Variants in C14orf132 observed in about 807,000 individuals in gnomAD.
The protein encoded by C14orf132 is uncharacterized protein C14orf132.
In C14orf132, 6 loss-of-function variants were observed where a neutral mutation model predicts 5.8. The ratio of observed to expected loss-of-function variants is 1.03; its 90% CI spans 0.57 to 2.04. The LOEUF (loss-of-function observed/expected upper bound fraction) is 2.04, where lower values mean the gene tolerates loss of function less well. Among genes scored for constraint, C14orf132 ranks in the 30% most tolerant of loss-of-function variants. The pLI is 0.00. For missense variants in C14orf132, 125 were observed against 115.8 expected (o/e 1.08, Z -0.37); for synonymous variants, 51 against 49.8 (o/e 1.02, Z -0.10).
chr14:96,067,506 C>T (rs1887566556), intron 1 of C14orf132, among the ~76,000 whole-genome samples: 1 of 152,172 alleles, frequency 6.6e-6, no homozygotes, highest in African/African-American at 2.4e-5. Context: ...TTGAGACCAG[C>T]CTGACCAACA....
chr14:96,042,200 G>T (rs571940540), intron 1 of C14orf132, among the ~76,000 whole-genome samples: 1 of 152,324 alleles, frequency 6.6e-6, no homozygotes, highest in East Asian at 1.9e-4. Context: ...TATCGAGATA[G>T]CGAAGTCCAG....
Position 96,086,814 on chromosome 14 carries a change from TG to T in C14orf132, c.*80del. 7.2e-7 allele frequency: 1 copy of T among 1,389,410 alleles called. No individual in the cohort carries two copies. Among genetic ancestry groups the T allele is most frequent in the South Asian group, 1.3e-5 (1 of 76,128 alleles). The allele number at this position is 1,389,410 out of a possible 1,614,324, so 86.1% of individuals were successfully genotyped here. A position where few individuals can be genotyped will look rare whatever the true frequency, so the allele number is the denominator to read the frequency against. The stretch of plus-strand genomic sequence containing the variant: ...TGCTGTCGGCCTTTGGCTTCTCCTG[TG>T]TTCTAGAACCAGGAGTTTTGACCAG... On this transcript the variant is annotated 3_prime_UTR_variant, in exon 2 of 2. Coordinates refer to ENST00000555004, the MANE Select transcript of C14orf132 (RefSeq NM_001252507.3).
At chr14:96,056,269 G>GAAT (rs1436385708) in intron 1 of C14orf132, among the ~76,000 whole-genome samples, 2 of 152,172 alleles carry the variant, frequency 1.3e-5, no homozygotes, top group Non-Finnish European at 2.9e-5. Flanking sequence ...CACGTGACAT[G>GAAT]GCCCTCTGTG....
intron 1 of C14orf132, among the ~76,000 whole-genome samples, chr14:96,046,434 C>T (rs1181523402): frequency 6.6e-6 from 1 of 152,194 alleles, no homozygotes; most frequent in East Asian, 1.9e-4. Flanking sequence ...GTAGAAAAGT[C>T]ACTTATTACT....
Position 96,093,089 on chromosome 14 carries a change from T to C in C14orf132, c.*6354T>C, listed in dbSNP as rs1050863487. On this transcript the variant is annotated 3_prime_UTR_variant, in exon 2 of 2. Coordinates refer to ENST00000555004, the MANE Select transcript of C14orf132 (RefSeq NM_001252507.3). ...GTCATTGAGTAAATTAAAGCTCTTC[T>C]GAGCAGCAGCAGTGATCATGGTCAC... The C allele has an allele frequency of 2.6e-5, 4 of 152,280 alleles. No individual in the cohort carries two copies. The highest frequency in any genetic ancestry group is 4.8e-5 in the African/African-American group (2 of 41,474). The allele number at this position is 152,280 out of a possible 1,614,324, so 9.4% of individuals were successfully genotyped here. A position where few individuals can be genotyped will look rare whatever the true frequency, so the allele number is the denominator to read the frequency against.
intron 1 of C14orf132, among the ~76,000 whole-genome samples, chr14:96,045,298 T>A (rs1204168032): frequency 6.6e-6 from 1 of 151,970 alleles, no homozygotes; most frequent in Non-Finnish European, 1.5e-5. Flanking sequence ...TTGAACTGAG[T>A]TTGAGAGATG....
At position 96,086,767 on chromosome 14, in the gene C14orf132, G is replaced by T; in HGVS notation, c.*32G>T. On this transcript the variant is annotated 3_prime_UTR_variant, in exon 2 of 2. Coordinates refer to ENST00000555004, the MANE Select transcript of C14orf132 (RefSeq NM_001252507.3). ...CACACCCTGCACCACCATGGGGTGAGGCTTGGCACGTAGCTCTGACTTGCT... is the reference window on the plus strand; with the variant it reads ...CACACCCTGCACCACCATGGGGTGATGCTTGGCACGTAGCTCTGACTTGCT... 6.6e-7 allele frequency: 1 copy of T among 1,525,566 alleles called. No individual in the cohort carries two copies. The highest frequency in any genetic ancestry group is 1.2e-5 in the South Asian group (1 of 83,688). The allele number at this position is 1,525,566 out of a possible 1,614,324, so 94.5% of individuals were successfully genotyped here.
At chr14:96,054,644 T>A (rs754812914) in intron 1 of C14orf132, among the ~76,000 whole-genome samples, 1 of 152,202 alleles carries the variant, frequency 6.6e-6, no homozygotes, top group Non-Finnish European at 1.5e-5. Flanking sequence ...GGAATTATTA[T>A]GTTTGAACCA....
intron 1 of C14orf132, among the ~76,000 whole-genome samples, chr14:96,073,446 AC>A (rs1887770121): frequency 6.6e-6 from 1 of 152,256 alleles, no homozygotes; most frequent in Non-Finnish European, 1.5e-5. Flanking sequence ...GTTCAACCTC[AC>A]TGATCATTAG....
intron 1 of C14orf132, among the ~76,000 whole-genome samples, chr14:96,075,619 A>G (rs911854099): frequency 6.6e-6 from 1 of 152,196 alleles, no homozygotes; most frequent in Non-Finnish European, 1.5e-5. Context: ...CTAGTTTACT[A>G]AGAGTTTTAA....
chr14:96,086,697 A>G lies in C14orf132; in HGVS notation c.214A>G (p.Ile72Val). Reference protein sequence around the residue: ...WIAIIATLGNIVVVGVVYAFT... With the variant: ...WIAIIATLGNVVVVGVVYAFT... ...TGCCATCATAGCTACGCTGGGGAAC[A>G]TCGTGGTGGTGGGCGTGGTGTATGC... The change falls in exon 2 of 2, where the codon ATC (isoleucine) becomes GTC (valine). Residue 72 changes from isoleucine to valine, a missense_variant. Physicochemically the swap from Ile to Val is conservative, Grantham distance 29 (BLOSUM62 3). Coordinates refer to ENST00000555004, the MANE Select transcript of C14orf132 (RefSeq NM_001252507.3). 6.5e-7 allele frequency: 1 copy of G among 1,536,126 alleles called. No individual in the cohort carries two copies.
intron 1 of C14orf132, among the ~76,000 whole-genome samples, chr14:96,052,245 G>A (rs1887050065): frequency 6.6e-6 from 1 of 152,274 alleles, no homozygotes; most frequent in South Asian, 2.1e-4. Flanking sequence ...GGCCGTCTCT[G>A]CAGCCTGTCT....
At chr14:96,067,785 T>C (rs1887577070) in intron 1 of C14orf132, among the ~76,000 whole-genome samples, 1 of 151,978 alleles carries the variant, frequency 6.6e-6, no homozygotes, top group East Asian at 1.9e-4. Flanking sequence ...AGGCGTGCCC[T>C]CTACCTTCCA....
In C14orf132 at chr14:96,093,577, CA is replaced by C. The variant is rs1311090043; in HGVS notation, c.*6843del. The C allele has an allele frequency of 6.6e-6, 1 of 152,200 alleles. No homozygotes were observed. The allele number at this position is 152,200 out of a possible 1,614,324, so 9.4% of individuals were successfully genotyped here. On this transcript the variant is annotated 3_prime_UTR_variant, in exon 2 of 2. Transcript: ENST00000555004. ...AGATACCAATTCTTCATGCCGAGAG[CA>C]TCGGAAATGTTTTTGTGTCTTACTG...
intron 1 of C14orf132, among the ~76,000 whole-genome samples, chr14:96,085,985 C>G (rs956623125): frequency 3.0e-5 from 4 of 131,450 alleles, no homozygotes; most frequent in Admixed American, 8.2e-5. Context: ...CTCTCTCTCT[C>G]TGTCACACAC....
rs1048376774 is a variant in C14orf132, at chr14:96,093,934, G to A, written c.*7199G>A. Reference sequence around the variant, plus strand: ...CATCTGTGCTTTATGCAAAGGAGATGATCTACTCAGCTTTAAATGGCTCAG... The same window carrying A: ...CATCTGTGCTTTATGCAAAGGAGATAATCTACTCAGCTTTAAATGGCTCAG... On this transcript the variant is annotated 3_prime_UTR_variant, in exon 2 of 2. Transcript: ENST00000555004. 5 of 152,170 alleles carry A rather than the reference G, an allele frequency of 3.3e-5. No individual in the cohort carries two copies. Among genetic ancestry groups the A allele is most frequent in the Non-Finnish European group, 7.3e-5 (5 of 68,034 alleles). 9.4% of individuals were successfully genotyped at this position (152,170 alleles called of 1,614,324 possible).
chr14:96,071,999 T>A (rs1887724945), intron 1 of C14orf132, among the ~76,000 whole-genome samples: 1 of 152,206 alleles, frequency 6.6e-6, no homozygotes, highest in Non-Finnish European at 1.5e-5. Context: ...GGAGAAGCTC[T>A]TTTTGGAGTT....
At chr14:96,072,953 T>A (rs986087372) in intron 1 of C14orf132, among the ~76,000 whole-genome samples, 1 of 152,182 alleles carries the variant, frequency 6.6e-6, no homozygotes, top group Non-Finnish European at 1.5e-5. Context: ...TGCACACAGG[T>A]TTTTGGTGAA....
rs1468543005 is a variant in C14orf132, at chr14:96,091,034, G to T, written c.*4299G>T. On this transcript the variant is annotated 3_prime_UTR_variant, in exon 2 of 2. Coordinates refer to ENST00000555004, the MANE Select transcript of C14orf132 (RefSeq NM_001252507.3). ...TTTACTTCTCAAATTGCCCCTGGGG[G>T]CAGGAATGAGGATGCAGAGAGATGC... 20 of 455,930 alleles carry T rather than the reference G, an allele frequency of 4.4e-5. No individual in the cohort carries two copies. Among genetic ancestry groups the T allele is most frequent in the Middle Eastern group, 3.2e-4 (1 of 3,092 alleles). 28.2% of individuals were successfully genotyped at this position (455,930 alleles called of 1,614,324 possible). A position where few individuals can be genotyped will look rare whatever the true frequency, so the allele number is the denominator to read the frequency against.
Sources: gnomAD v4.1 joint callset for allele counts (sites outside exome capture counted in the v4.1 genomes callset) on GRCh38, gnomAD v4.1.1 for gene constraint, MANE v1.5 for transcripts, NCBI Gene and HGNC (gene_info 2026-07-23, HGNC 2026-07-21) for gene names.